The following TET3 variants were observed in gnomAD, a reference collection of about 807,000 sequenced individuals.
TET3 encodes the protein methylcytosine dioxygenase TET3.
Under a neutral mutation model 141.4 loss-of-function variants are expected in TET3, and 19 were observed. The observed-to-expected ratio is 0.13, with a 90% confidence interval of 0.09 to 0.20. The LOEUF (loss-of-function observed/expected upper bound fraction) is 0.20. TET3 is among the 10% of genes least tolerant of loss of function. The pLI, the probability that TET3 is intolerant of heterozygous loss-of-function variation, is 1.00. For synonymous variants in TET3, 1,043 were observed against 980.9 expected, an observed-to-expected ratio of 1.06 and a Z score of -1.18; for missense variants, 1,874 against 2,356.9, an observed-to-expected ratio of 0.80 and a Z score of 4.24.
At chr2:74,123,645 A>G in the TET3 span, among the ~76,000 whole-genome samples, 1 of 152,172 alleles carries the variant, frequency 6.6e-6, no homozygotes, top group Non-Finnish European at 1.5e-5. Context: ...GGCCTCCCAA[A>G]GTGCCGAGGT....
chr2:74,113,429 C>T, the TET3 span, among the ~76,000 whole-genome samples: 4 of 152,026 alleles, frequency 2.6e-5, no homozygotes, highest in African/African-American at 9.7e-5. Context: ...CAACGTAGTA[C>T]TAGAAGTCCT....
Position 74,046,913 on chromosome 2 carries a change from T to C in TET3, c.996T>C (p.Ser332=). Residue 332 remains serine, a synonymous_variant, in exon 4 of 12, where the codon TCT becomes TCC. Coordinates refer to ENST00000409262, the MANE Select transcript of TET3 (RefSeq NM_001287491.2). The surrounding 1 kb of genome is among the most constrained non-coding windows in gnomAD (Gnocchi z 4.3). ...PLLSSEVPQI[S]PQEGLPLSQS... The stretch of plus-strand genomic sequence containing the variant: ...TCAGCTCAGAGGTGCCCCAGATCTC[T>C]CCCCAAGAGGGCCTGCCCCTGTCCC... The C allele has an allele frequency of 6.2e-7, 1 of 1,613,630 alleles. No homozygotes were observed. Among genetic ancestry groups the C allele is most frequent in the Non-Finnish European group, 8.5e-7 (1 of 1,179,824 alleles).
intron 3 of TET3, among the ~76,000 whole-genome samples, chr2:74,044,845 A>C (rs997513426): frequency 6.6e-6 from 1 of 152,162 alleles, no homozygotes; most frequent in Admixed American, 6.5e-5. Flanking sequence ...TACATAACCC[A>C]TTGTCTAATG....
At chr2:74,078,621 G>T (rs1484474440) in intron 5 of TET3, among the ~76,000 whole-genome samples, 2 of 152,174 alleles carry the variant, frequency 1.3e-5, no homozygotes, top group Non-Finnish European at 2.9e-5. Flanking sequence ...GAATTATCTT[G>T]TTCCTAAAGC....
intron 3 of TET3, among the ~76,000 whole-genome samples, chr2:74,014,269 T>C (rs1023189719): frequency 6.6e-6 from 1 of 152,224 alleles, no homozygotes; most frequent in African/African-American, 2.4e-5. Flanking sequence ...TTTAAAAATA[T>C]GACTTTCACC....
chr2:74,046,572 C>A lies in TET3; in HGVS notation c.655C>A (p.Arg219=). The change falls in exon 4 of 12, where the codon CGG becomes AGG. Residue 219 remains arginine, a synonymous_variant. Transcript: ENST00000409262. The surrounding 1 kb of genome is among the most constrained non-coding windows in gnomAD (Gnocchi z 4.3). Reference sequence around the variant, plus strand: ...GTCCTCTTATGGGGCCCTTAGCACCCGGCTCTATGAAACCTTCAACCGTGA... The same window carrying A: ...GTCCTCTTATGGGGCCCTTAGCACCAGGCTCTATGAAACCTTCAACCGTGA... ...AVSSYGALST[R]LYETFNREMS... The A allele has an allele frequency of 6.2e-7, 1 of 1,614,024 alleles. No individual in the cohort carries two copies. The highest frequency in any genetic ancestry group is 8.5e-7 in the Non-Finnish European group (1 of 1,179,884).
chr2:74,068,480 G>A (rs1423487691), intron 4 of TET3, among the ~76,000 whole-genome samples: 1 of 152,014 alleles, frequency 6.6e-6, no homozygotes, highest in South Asian at 2.1e-4. Flanking sequence ...TGGATATGCT[G>A]TAATGCATTT....
intron 3 of TET3, among the ~76,000 whole-genome samples, chr2:74,016,119 G>A (rs1435514890): frequency 6.6e-6 from 1 of 152,008 alleles, no homozygotes; most frequent in African/African-American, 2.4e-5. Context: ...TATAGTCCCA[G>A]TGCTTTGGCA....
At chr2:73,984,647 C>T (rs186998393), upstream of TET3, among the ~76,000 whole-genome samples, 2,848 of 151,978 alleles carry the variant, frequency 0.019, 97 homozygotes, top group African/African-American at 0.065. This position sits in a 1 kb window ranked among gnomAD's most constrained non-coding sequence, Gnocchi z 5.6. Flanking sequence ...GGTGGCCAAC[C>T]CGAAGGGGGC....
chr2:74,057,698 C>A lies in TET3; in HGVS notation c.2494+9287C>A, dbSNP rs568075666. On this transcript the variant is annotated intron_variant, in intron 4 of 11. Coordinates refer to ENST00000409262, the MANE Select transcript of TET3 (RefSeq NM_001287491.2). ...TCTAGAAGCTGGGGATGCTGCTAAG[C>A]CTCCTAACAGTGCCTACAGTAAGGA... 3.0e-4 allele frequency among the ~76,000 whole-genome samples: 45 copies of A among 152,262 alleles called. 1 individual carries two copies. In the South Asian group the frequency reaches 8.5e-3, roughly 29 times the overall value.
At chr2:74,003,250 C>G in intron 3 of TET3, 84 bp downstream of exon 3, 1 of 1,520,208 alleles carries the variant, frequency 6.6e-7, no homozygotes. Context: ...AATAAAGGGT[C>G]TCCTCTGGTG....
chr2:74,063,978 C>G (rs1688742478), intron 4 of TET3, among the ~76,000 whole-genome samples: 1 of 151,680 alleles, frequency 6.6e-6, no homozygotes, highest in Non-Finnish European at 1.5e-5. Flanking sequence ...AAGTGCTGTT[C>G]TTCATTTGAT....
intron 5 of TET3, among the ~76,000 whole-genome samples, chr2:74,076,056 G>T (rs116676219): frequency 6.5e-4 from 99 of 152,220 alleles, no homozygotes; most frequent in Non-Finnish European, 1.1e-3. Context: ...AATTTTATAA[G>T]ATTTCCAGAC....
intron 3 of TET3, among the ~76,000 whole-genome samples, chr2:74,014,491 T>A (rs1685628124): frequency 6.6e-6 from 1 of 152,168 alleles, no homozygotes; most frequent in South Asian, 2.1e-4. Flanking sequence ...GGGCTCTGTC[T>A]CTAAACCCCC....
At chr2:74,028,608 T>A (rs182722470) in intron 3 of TET3, among the ~76,000 whole-genome samples, 1 of 152,320 alleles carries the variant, frequency 6.6e-6, no homozygotes, top group African/African-American at 2.4e-5. Flanking sequence ...TTGTAGATGT[T>A]TATAGTAGAT....
chr2:74,110,075 T>TA (rs1691666933), downstream of TET3, among the ~76,000 whole-genome samples: 1 of 152,170 alleles, frequency 6.6e-6, no homozygotes, highest in Non-Finnish European at 1.5e-5. Context: ...ACATAGCAAG[T>TA]AATAAGAGCT....
At chr2:74,002,861 C>T in intron 2 of TET3, 2 of 568,798 alleles carry the variant, frequency 3.5e-6, no homozygotes, top group Non-Finnish European at 6.3e-6. Flanking sequence ...GCCGTCCTCT[C>T]GGATCTCGGG....
At position 74,087,464 on chromosome 2, in the gene TET3, A is replaced by G. The variant is rs914285136; in HGVS notation, c.2680-366A>G. 6.6e-6 allele frequency among the ~76,000 whole-genome samples: 1 copy of G among 152,222 alleles called. No individual in the cohort carries two copies. Among genetic ancestry groups the G allele is most frequent in the Non-Finnish European group, 1.5e-5 (1 of 68,028 alleles). On this transcript the variant is annotated intron_variant, in intron 6 of 11. Coordinates refer to ENST00000409262, the MANE Select transcript of TET3 (RefSeq NM_001287491.2). This position sits in a 1 kb window ranked among gnomAD's most constrained non-coding sequence, Gnocchi z 4.3. ...ACAGGTAGGCAGCATTTTCTCTGCAAATGTTTTAGGATAACATAAAAATCT... is the reference window on the plus strand; with the variant it reads ...ACAGGTAGGCAGCATTTTCTCTGCAGATGTTTTAGGATAACATAAAAATCT...
At chr2:74,061,547 C>T (rs1688567049) in intron 4 of TET3, among the ~76,000 whole-genome samples, 2 of 140,130 alleles carry the variant, frequency 1.4e-5, no homozygotes. Context: ...GGCGGCCGGG[C>T]AGAGGCGCCC....
Sources: gnomAD v4.1 joint callset for allele counts (sites outside exome capture counted in the v4.1 genomes callset) on GRCh38, gnomAD v4.1.1 for gene constraint, Gnocchi (gnomAD v3.1) non-coding constraint, MANE v1.5 for transcripts, NCBI Gene and HGNC (gene_info 2026-07-23, HGNC 2026-07-21) for gene names.